The following LARP1B variants were observed in gnomAD, a reference collection of about 807,000 sequenced individuals.
The protein encoded by LARP1B is La ribonucleoprotein 1B, also known as la-related protein 1B.
Under a neutral mutation model 114.2 loss-of-function variants are expected in LARP1B, and 76 were observed. The observed-to-expected ratio is 0.67, with a 90% CI of 0.55 to 0.81. The LOEUF (loss-of-function observed/expected upper bound fraction) is 0.81, where lower values mean the gene tolerates loss of function less well. LARP1B is among the 30% of genes least tolerant of loss of function. LARP1B has a pLI of 0.00. For synonymous variants in LARP1B, 345 were observed against 348.0 expected, an observed-to-expected ratio of 0.99 and a Z score of 0.10; for missense variants, 1,014 against 1,075.8, an observed-to-expected ratio of 0.94 and a Z score of 0.80.
At chr4:128,150,733 A>G (rs1732417904) in intron 11 of LARP1B, among the ~76,000 whole-genome samples, 1 of 152,070 alleles carries the variant, frequency 6.6e-6, no homozygotes. Flanking sequence ...TGTCTTGGGA[A>G]AAAAAAATAA....
intron 11 of LARP1B, among the ~76,000 whole-genome samples, chr4:128,145,865 G>A (rs1284247462): frequency 6.6e-6 from 1 of 152,164 alleles, no homozygotes; most frequent in Non-Finnish European, 1.5e-5. Context: ...GCACAGGCTG[G>A]TATTGGTTGC....
Position 128,087,815 on chromosome 4 carries a change from G to A in LARP1B, c.359-3186G>A, listed in dbSNP as rs184741818. On this transcript the variant is annotated intron_variant, in intron 5 of 19. Transcript: ENST00000326639. ...GATTGCTTGAGCCTGCGAATTTGGGGCTGTAGTGCACAATGATCATACATG... is the reference window on the plus strand; with the variant it reads ...GATTGCTTGAGCCTGCGAATTTGGGACTGTAGTGCACAATGATCATACATG... Among the ~76,000 whole-genome samples, 776 of 151,832 alleles carry A rather than the reference G, an allele frequency of 5.1e-3. 5 individuals are homozygous for A. Among genetic ancestry groups the A allele is most frequent in the African/African-American group, 0.018 (731 of 41,404 alleles).
intron 11 of LARP1B, among the ~76,000 whole-genome samples, chr4:128,143,974 T>C (rs750648930): frequency 6.6e-6 from 1 of 152,288 alleles, no homozygotes; most frequent in South Asian, 2.1e-4. Context: ...ATTTGGAGCA[T>C]GTAGTACAGG....
At chr4:128,165,016 T>C (rs1740154430) in intron 12 of LARP1B, among the ~76,000 whole-genome samples, 1 of 152,148 alleles carries the variant, frequency 6.6e-6, no homozygotes, top group Middle Eastern at 3.4e-3. Flanking sequence ...TAAAATAAGC[T>C]AGAACAAAGA....
chr4:128,104,209 C>G (rs1344682056), intron 8 of LARP1B, among the ~76,000 whole-genome samples: 2 of 151,980 alleles, frequency 1.3e-5, no homozygotes, highest in African/African-American at 4.8e-5. Context: ...TTTTCAAGAC[C>G]CAGGCAAGCT....
intron 9 of LARP1B, among the ~76,000 whole-genome samples, chr4:128,110,449 G>A (rs1245444127): frequency 1.3e-5 from 2 of 150,258 alleles, no homozygotes; most frequent in African/African-American, 2.4e-5. Flanking sequence ...CGAGGCGGGC[G>A]GATCACGAGG....
chr4:128,071,268 G>C (rs555278395), intron 1 of LARP1B, among the ~76,000 whole-genome samples: 7 of 152,034 alleles, frequency 4.6e-5, no homozygotes, highest in Admixed American at 1.3e-4. Context: ...GGATGGTCTC[G>C]ATCTCCTGAC....
intron 7 of LARP1B, 24 bp downstream of exon 7, chr4:128,091,536 A>C: frequency 1.3e-6 from 2 of 1,553,616 alleles, no homozygotes; most frequent in Non-Finnish European, 1.7e-6. Context: ...TGATGTAAGC[A>C]GACGGGATAG....
At chr4:128,213,028 C>G (rs906091073), downstream of LARP1B, among the ~76,000 whole-genome samples, 2 of 148,298 alleles carry the variant, frequency 1.3e-5, no homozygotes, top group African/African-American at 4.9e-5. Flanking sequence ...AAGCAATTCT[C>G]CCGCCTCAGC....
chr4:128,112,984 T>G (rs997791501), intron 9 of LARP1B, among the ~76,000 whole-genome samples: 3 of 152,216 alleles, frequency 2.0e-5, no homozygotes, highest in Non-Finnish European at 4.4e-5. Flanking sequence ...TTAAACCCAT[T>G]CTTGAAATGT....
chr4:128,061,433 C>A, intron 1 of LARP1B, 32 bp downstream of exon 1: 1 of 155,500 alleles, frequency 6.4e-6, no homozygotes. Context: ...CTGCGGCTCC[C>A]GGCGCGTGGT....
intron 11 of LARP1B, among the ~76,000 whole-genome samples, chr4:128,141,203 T>C (rs992137619): frequency 6.6e-6 from 1 of 152,110 alleles, no homozygotes; most frequent in Admixed American, 6.6e-5. Flanking sequence ...TTGAAGACTT[T>C]GTTAACATAG....
intron 9 of LARP1B, among the ~76,000 whole-genome samples, chr4:128,112,041 A>AT (rs1784296442): frequency 6.6e-6 from 1 of 151,990 alleles, no homozygotes; most frequent in Admixed American, 6.6e-5. Flanking sequence ...GAAAAAAAAA[A>AT]GTGTTCTCTG....
intron 11 of LARP1B, among the ~76,000 whole-genome samples, chr4:128,145,406 C>T (rs949962317): frequency 1.3e-5 from 2 of 152,144 alleles, no homozygotes; most frequent in Admixed American, 1.3e-4. Flanking sequence ...TGCTCACCAT[C>T]CCCCAGCACT....
At chr4:128,112,405 A>G (rs187750343) in intron 9 of LARP1B, among the ~76,000 whole-genome samples, 2 of 148,706 alleles carry the variant, frequency 1.3e-5, no homozygotes, top group Admixed American at 1.4e-4. Context: ...TGTCCTGAGC[A>G]TGTTTCAGGA....
intron 12 of LARP1B, among the ~76,000 whole-genome samples, chr4:128,171,308 T>C (rs1415358409): frequency 6.6e-6 from 1 of 152,096 alleles, no homozygotes; most frequent in Non-Finnish European, 1.5e-5. Flanking sequence ...TTTTTATTTT[T>C]TGTGGAGACA....
At chr4:128,122,600 G>T (rs1788378426) in intron 11 of LARP1B, 2 of 1,488,224 alleles carry the variant, frequency 1.3e-6, no homozygotes, top group East Asian at 2.5e-5. Flanking sequence ...TGAGCCAGTG[G>T]CTTTAGAGAG....
At chr4:128,122,330 A>G (rs1788208797) in intron 11 of LARP1B, 142 bp downstream of exon 11, 1 of 1,470,740 alleles carries the variant, frequency 6.8e-7, no homozygotes, top group Non-Finnish European at 9.0e-7. Context: ...ATTCCTGGAA[A>G]TATACCTGAT....
intron 8 of LARP1B, among the ~76,000 whole-genome samples, chr4:128,105,885 C>T (rs572930855): frequency 1.4e-3 from 206 of 151,682 alleles, no homozygotes; most frequent in Non-Finnish European, 2.4e-3. Context: ...AGTGAGACTC[C>T]GTCTCAAAAA....
Sources: gnomAD v4.1 joint callset for allele counts (sites outside exome capture counted in the v4.1 genomes callset) on GRCh38, gnomAD v4.1.1 for gene constraint, MANE v1.5 for transcripts, NCBI Gene and HGNC (gene_info 2026-07-23, HGNC 2026-07-21) for gene names.